Variants in NPAS3 observed in about 807,000 individuals in gnomAD.
The protein encoded by NPAS3 is neuronal PAS domain-containing protein 3.
A neutral mutation model predicts 73.1 loss-of-function variants in NPAS3; 14 were observed. That is an observed-to-expected ratio of 0.19 (90% CI 0.13 to 0.30). The LOEUF is 0.30. Ranked by LOEUF, NPAS3 falls within the 10% of genes least tolerant of loss-of-function variation. NPAS3 has a pLI of 1.00. For missense variants in NPAS3, 1,096 were observed against 1,250.0 expected, an observed-to-expected ratio of 0.88 and a Z score of 1.86; for synonymous variants, 620 against 541.5, an observed-to-expected ratio of 1.14 and a Z score of -2.01.
intron 6 of NPAS3, among the ~76,000 whole-genome samples, chr14:33,701,961 C>T (rs780634884): frequency 7.9e-5 from 12 of 152,116 alleles, no homozygotes; most frequent in African/African-American, 2.9e-4. Flanking sequence ...GTAGAACCAA[C>T]TATATAGGAA....
chr14:33,157,414 G>T (rs2044687383), intron 2 of NPAS3, among the ~76,000 whole-genome samples: 1 of 152,150 alleles, frequency 6.6e-6, no homozygotes, highest in Non-Finnish European at 1.5e-5. Flanking sequence ...AGATGGGAAG[G>T]TGAAAGAACC....
chr14:33,580,062 A>G (rs2072074432), intron 5 of NPAS3, among the ~76,000 whole-genome samples: 1 of 152,176 alleles, frequency 6.6e-6, no homozygotes, highest in Non-Finnish European at 1.5e-5. Context: ...AAACCTTCCT[A>G]CTGGGTAGTC....
chr14:33,354,231 C>G (rs1192701817), intron 3 of NPAS3, among the ~76,000 whole-genome samples: 1 of 152,086 alleles, frequency 6.6e-6, no homozygotes, highest in Non-Finnish European at 1.5e-5. Flanking sequence ...GGAGAGTCAT[C>G]CCTTACTCTC....
chr14:33,672,480 C>T (rs1183953027), intron 5 of NPAS3, among the ~76,000 whole-genome samples: 19 of 152,052 alleles, frequency 1.2e-4, no homozygotes, highest in Admixed American at 1.2e-3. Context: ...TCAGCAGGCA[C>T]ATGTTTTGGA....
At chr14:33,278,210 C>T (rs751033549) in intron 3 of NPAS3, among the ~76,000 whole-genome samples, 1 of 152,064 alleles carries the variant, frequency 6.6e-6, no homozygotes, top group Non-Finnish European at 1.5e-5. Flanking sequence ...CAACTCTGCA[C>T]AAGTTAACTT....
intron 7 of NPAS3, among the ~76,000 whole-genome samples, chr14:33,750,989 A>G (rs1264240127): frequency 6.6e-6 from 1 of 152,206 alleles, no homozygotes; most frequent in Non-Finnish European, 1.5e-5. Context: ...GGAACTCTAA[A>G]CAGAGGGAAT....
chr14:33,206,857 G>A (rs753417084), intron 2 of NPAS3, among the ~76,000 whole-genome samples: 9 of 152,136 alleles, frequency 5.9e-5, no homozygotes, highest in South Asian at 2.1e-4. Context: ...ATGTCCTGCC[G>A]TCAAAGGGTA....
intron 9 of NPAS3, among the ~76,000 whole-genome samples, chr14:33,786,205 G>A (rs921504158): frequency 4.6e-5 from 7 of 152,312 alleles, no homozygotes; most frequent in African/African-American, 1.7e-4. Context: ...AATAGCTGTT[G>A]AGCAGACGAC....
At chr14:33,410,631 G>C (rs1295110257) in intron 4 of NPAS3, among the ~76,000 whole-genome samples, 1 of 152,068 alleles carries the variant, frequency 6.6e-6, no homozygotes, top group Non-Finnish European at 1.5e-5. Flanking sequence ...CTACATTTTG[G>C]CTCAAGAATA....
At chr14:33,312,064 GTTGAC>G (rs2043024047) in intron 3 of NPAS3, among the ~76,000 whole-genome samples, 1 of 152,124 alleles carries the variant, frequency 6.6e-6, no homozygotes, top group Non-Finnish European at 1.5e-5. Context: ...CATTTGGTGA[GTTGAC>G]TTGACATACA....
intron 4 of NPAS3, among the ~76,000 whole-genome samples, chr14:33,535,681 T>C (rs184630022): frequency 2.0e-5 from 3 of 152,328 alleles, no homozygotes; most frequent in Admixed American, 1.3e-4. Context: ...ATTTCTATTT[T>C]TGCTTATTTG....
intron 2 of NPAS3, among the ~76,000 whole-genome samples, chr14:33,205,588 G>A (rs1199000090): frequency 6.6e-6 from 1 of 152,138 alleles, no homozygotes; most frequent in East Asian, 1.9e-4. Context: ...GAGAGAAGGA[G>A]TATACAGTTT....
At chr14:33,170,078 A>C (rs2045331210) in intron 2 of NPAS3, among the ~76,000 whole-genome samples, 1 of 152,136 alleles carries the variant, frequency 6.6e-6, no homozygotes, top group African/African-American at 2.4e-5. Flanking sequence ...TAATTTCTTA[A>C]ATGTGAGTAG....
rs2038073778 is a variant in NPAS3 at position 32,985,842 on chromosome 14, G to T, written c.50+46476G>T. Among the ~76,000 whole-genome samples, 4 of 152,194 alleles carry T rather than the reference G, an allele frequency of 2.6e-5. No homozygotes were observed. The South Asian group carries it at 8.3e-4, about 31-fold the overall frequency. On this transcript the variant is annotated intron_variant, in intron 1 of 11. Coordinates refer to ENST00000356141, the Ensembl canonical transcript of NPAS3. ...AGCTTAGAAGAAGCTATAAAGTTCT[G>T]TCATGTCATGGCTTGGTGAGCGAGG...
chr14:33,734,275 A>AATT (rs2061471501), intron 6 of NPAS3, among the ~76,000 whole-genome samples: 3 of 152,122 alleles, frequency 2.0e-5, no homozygotes, highest in African/African-American at 7.2e-5. Flanking sequence ...AAAACCCCAA[A>AATT]ATTAATTTCT....
At chr14:33,267,054 C>T (rs2040851673) in intron 3 of NPAS3, among the ~76,000 whole-genome samples, 1 of 152,052 alleles carries the variant, frequency 6.6e-6, no homozygotes, top group Non-Finnish European at 1.5e-5. Flanking sequence ...GTCATTTTTA[C>T]CCTGTAGTTT....
At chr14:33,050,753 C>A (rs1458766745) in intron 1 of NPAS3, among the ~76,000 whole-genome samples, 2 of 152,120 alleles carry the variant, frequency 1.3e-5, no homozygotes, top group Admixed American at 1.3e-4. Flanking sequence ...ATCTCTTGTT[C>A]CCTGTTTTCA....
At chr14:33,409,658 T>A (rs1482493367) in intron 4 of NPAS3, among the ~76,000 whole-genome samples, 1 of 152,174 alleles carries the variant, frequency 6.6e-6, no homozygotes, top group African/African-American at 2.4e-5. Context: ...GTGCAGAAAG[T>A]TCAGTAAGAT....
At chr14:33,386,150 G>A (rs940112564) in intron 4 of NPAS3, among the ~76,000 whole-genome samples, 1 of 151,872 alleles carries the variant, frequency 6.6e-6, no homozygotes, top group Non-Finnish European at 1.5e-5. Flanking sequence ...TTACATCAGT[G>A]CAGTATACTC....
Sources: gnomAD v4.1 joint callset for allele counts (sites outside exome capture counted in the v4.1 genomes callset) on GRCh38, gnomAD v4.1.1 for gene constraint, MANE v1.5 for transcripts, NCBI Gene and HGNC (gene_info 2026-07-23, HGNC 2026-07-21) for gene names.